FHIT: variants seen among roughly 807,000 people sequenced by gnomAD.
FHIT encodes fragile histidine triad diadenosine triphosphatase, also known as bis(5'-adenosyl)-triphosphatase.
In FHIT, 19 loss-of-function variants were observed where a neutral mutation model predicts 17.9. The ratio of observed to expected loss-of-function variants is 1.06; its 90% CI spans 0.74 to 1.56. The LOEUF (loss-of-function observed/expected upper bound fraction) is 1.56, where lower values mean the gene tolerates loss of function less well. Ranked by LOEUF, FHIT falls within the 40% of genes most tolerant of loss-of-function variation. The pLI is 0.00. For synonymous variants in FHIT, 81 were observed against 69.7 expected (o/e 1.16, Z -0.81); for missense variants, 248 against 189.2 (o/e 1.31, Z -1.82).
intron 4 of FHIT, among the ~76,000 whole-genome samples, chr3:60,572,402 T>C (rs890309267): frequency 2.0e-5 from 3 of 152,196 alleles, no homozygotes; most frequent in Non-Finnish European, 2.9e-5. Context: ...ATTGTGTTTA[T>C]AGAATATGTC....
chr3:60,694,397 TAA>T (rs1173361890), intron 4 of FHIT, among the ~76,000 whole-genome samples: 1 of 151,998 alleles, frequency 6.6e-6, no homozygotes, highest in East Asian at 1.9e-4. Flanking sequence ...TGGCGATCAT[TAA>T]AAAGTCAGGA....
At chr3:60,209,819 C>T (rs551254767) in intron 5 of FHIT, among the ~76,000 whole-genome samples, 1 of 152,168 alleles carries the variant, frequency 6.6e-6, no homozygotes, top group East Asian at 1.9e-4. Context: ...TCATCCTCAG[C>T]AAACTAACAC....
At chr3:60,240,386 C>G (rs948422141) in intron 5 of FHIT, among the ~76,000 whole-genome samples, 5 of 152,148 alleles carry the variant, frequency 3.3e-5, no homozygotes, top group Admixed American at 2.6e-4. Context: ...TAACAAAACC[C>G]TTAAATTTCC....
At chr3:60,861,433 G>A (rs1229974576) in intron 3 of FHIT, among the ~76,000 whole-genome samples, 1 of 150,920 alleles carries the variant, frequency 6.6e-6, no homozygotes, top group Non-Finnish European at 1.5e-5. Flanking sequence ...GTGTTGAGCA[G>A]CATCCCTGGC....
chr3:61,066,485 T>C (rs6763084), intron 2 of FHIT, among the ~76,000 whole-genome samples: 84,121 of 151,910 alleles, frequency 0.55, 24,377 homozygotes, highest in Non-Finnish European at 0.65. Flanking sequence ...CGTAGTGACA[T>C]ACACCTGTAG....
At chr3:61,026,497 C>A (rs1357867863) in intron 3 of FHIT, among the ~76,000 whole-genome samples, 1 of 152,146 alleles carries the variant, frequency 6.6e-6, no homozygotes, top group Non-Finnish European at 1.5e-5. Flanking sequence ...CTTTTTTTCG[C>A]CAGCCTTACC....
intron 5 of FHIT, among the ~76,000 whole-genome samples, chr3:60,504,385 G>A (rs1166655441): frequency 3.3e-5 from 5 of 151,228 alleles, no homozygotes; most frequent in Admixed American, 3.3e-4. Context: ...AGTGAGCCAA[G>A]ATCTCCACTG....
In FHIT at chr3:60,515,162, T is replaced by C. The variant is rs146844356; in HGVS notation, c.103+21698A>G. On this transcript the variant is annotated intron_variant, in intron 5 of 9. Coordinates refer to ENST00000492590, the MANE Select transcript of FHIT (RefSeq NM_002012.4). ...GGAGAGCTGCTAGATAAACAAGCCA[T>C]TATAAGAGGGTAATATTCCATCCTA... Among the ~76,000 whole-genome samples, 577 of 152,016 alleles carry C rather than the reference T, an allele frequency of 3.8e-3. 2 individuals are homozygous for C. Among genetic ancestry groups the C allele is most frequent in the African/African-American group, 0.013 (555 of 41,454 alleles).
At chr3:61,228,324 A>T (rs944532676) in intron 1 of FHIT, among the ~76,000 whole-genome samples, 1 of 152,226 alleles carries the variant, frequency 6.6e-6, no homozygotes, top group Admixed American at 6.5e-5. Context: ...CGGGATACTG[A>T]GACCAAGAGA....
chr3:60,904,715 G>C (rs1486117050), intron 3 of FHIT, among the ~76,000 whole-genome samples: 1 of 152,032 alleles, frequency 6.6e-6, no homozygotes, highest in Non-Finnish European at 1.5e-5. Flanking sequence ...GCTGAGGTGG[G>C]TGGATCACAA....
At chr3:60,982,601 C>G (rs948245253) in intron 3 of FHIT, among the ~76,000 whole-genome samples, 2 of 152,182 alleles carry the variant, frequency 1.3e-5, no homozygotes, top group African/African-American at 2.4e-5. Flanking sequence ...CCCGTTTGTA[C>G]AGAAAGGCCT....
intron 3 of FHIT, among the ~76,000 whole-genome samples, chr3:60,848,735 C>T (rs1553747373): frequency 6.6e-6 from 1 of 152,110 alleles, no homozygotes; most frequent in African/African-American, 2.4e-5. Flanking sequence ...GTAAAATATA[C>T]ACAATGTCTA....
intron 3 of FHIT, among the ~76,000 whole-genome samples, chr3:60,927,230 A>T (rs1553770233): frequency 6.6e-6 from 1 of 152,040 alleles, no homozygotes; most frequent in Non-Finnish European, 1.5e-5. Context: ...CCAGCTCCTG[A>T]CCTCCAGTGA....
chr3:61,114,072 C>T (rs1576038927), intron 2 of FHIT, among the ~76,000 whole-genome samples: 1 of 152,130 alleles, frequency 6.6e-6, no homozygotes, highest in African/African-American at 2.4e-5. Flanking sequence ...CTACTGGGCA[C>T]AAAAGCATAT....
At chr3:60,957,681 C>T (rs1462266802) in intron 3 of FHIT, among the ~76,000 whole-genome samples, 1 of 152,230 alleles carries the variant, frequency 6.6e-6, no homozygotes, top group Non-Finnish European at 1.5e-5. Flanking sequence ...CTGGGAGACA[C>T]AGAAGTCATA....
chr3:60,706,787 G>C, intron 4 of FHIT, among the ~76,000 whole-genome samples: 1 of 152,102 alleles, frequency 6.6e-6, no homozygotes, highest in Admixed American at 6.5e-5. Flanking sequence ...TCATTCAAAA[G>C]ATTTTAAAAA....
intron 2 of FHIT, among the ~76,000 whole-genome samples, chr3:61,168,914 T>C (rs912830221): frequency 6.8e-6 from 1 of 147,234 alleles, no homozygotes; most frequent in Admixed American, 7.0e-5. Flanking sequence ...TTATAAAATG[T>C]CCCTAGTTTT....
chr3:60,433,746 T>C (rs2029947588), intron 5 of FHIT, among the ~76,000 whole-genome samples: 1 of 152,140 alleles, frequency 6.6e-6, no homozygotes, highest in Non-Finnish European at 1.5e-5. Flanking sequence ...TAAGTCCTTT[T>C]GCTCATTTTG....
chr3:60,083,730 C>A (rs1054121061), intron 5 of FHIT, among the ~76,000 whole-genome samples: 1 of 152,146 alleles, frequency 6.6e-6, no homozygotes, highest in Non-Finnish European at 1.5e-5. Flanking sequence ...TCAACTCTGC[C>A]ATTACAGCAT....
Sources: allele counts gnomAD v4.1 joint callset (sites outside exome capture counted in the v4.1 genomes callset), GRCh38; gene constraint gnomAD v4.1.1; transcripts MANE v1.5; gene names NCBI Gene and HGNC (gene_info 2026-07-23, HGNC 2026-07-21).